FAM149A: variants seen among roughly 807,000 people sequenced by gnomAD.
FAM149A encodes the protein family with sequence similarity 149 member A, also known as protein FAM149A.
FAM149A carries 71 observed loss-of-function variants against 78.2 expected under a neutral mutation model. The observed-to-expected ratio is 0.91, with a 90% CI of 0.75 to 1.11. FAM149A has a LOEUF of 1.11. FAM149A is among the 50% of genes least tolerant of loss of function. The pLI, the probability that FAM149A is intolerant of heterozygous loss-of-function variation, is 0.00. For missense variants in FAM149A, 1,036 were observed against 971.0 expected (o/e 1.07, Z -0.89); for synonymous variants, 446 against 410.5 (o/e 1.09, Z -1.04).
chr4:186,158,102 T>C (rs1343465059), intron 8 of FAM149A: 6 of 1,326,852 alleles, frequency 4.5e-6, no homozygotes, highest in Non-Finnish European at 5.9e-6. Context: ...TTGTTGCTGT[T>C]GAACCCTGCT....
chr4:186,170,464 A>AT (rs1408095495), intron 13 of FAM149A, among the ~76,000 whole-genome samples: 1 of 152,240 alleles, frequency 6.6e-6, no homozygotes, highest in East Asian at 1.9e-4. Context: ...ACCCTGCCTC[A>AT]TTTAAAAAAC....
chr4:186,163,172 G>A (rs1734748744), intron 9 of FAM149A, among the ~76,000 whole-genome samples: 1 of 152,226 alleles, frequency 6.6e-6, no homozygotes, highest in African/African-American at 2.4e-5. Flanking sequence ...GGGGAATGTA[G>A]TCCTGAAATT....
intron 1 of FAM149A, among the ~76,000 whole-genome samples, chr4:186,138,495 C>T (rs1053741631): frequency 6.6e-6 from 1 of 152,206 alleles, no homozygotes; most frequent in Non-Finnish European, 1.5e-5. Context: ...CTGTATTAAC[C>T]GTCACCACCA....
chr4:186,118,625 G>A (rs1237773669), intron 1 of FAM149A, among the ~76,000 whole-genome samples: 1 of 152,096 alleles, frequency 6.6e-6, no homozygotes, highest in East Asian at 1.9e-4. Context: ...AAACATTTCA[G>A]GACACCAAGA....
chr4:186,124,185 A>G (rs1244343934), intron 1 of FAM149A: 9 of 985,366 alleles, frequency 9.1e-6, no homozygotes, highest in East Asian at 1.1e-4. Context: ...CAAAGGCACT[A>G]TATTCCTCCA....
At chr4:186,166,463 A>T (rs1040634932) in intron 11 of FAM149A, among the ~76,000 whole-genome samples, 2 of 152,168 alleles carry the variant, frequency 1.3e-5, no homozygotes, top group Non-Finnish European at 2.9e-5. Context: ...AGCCTGGCCA[A>T]CATAGTGAAA....
intron 1 of FAM149A, chr4:186,124,140 A>G: frequency 1.0e-6 from 1 of 985,356 alleles, no homozygotes; most frequent in Non-Finnish European, 1.2e-6. Flanking sequence ...AGATACCAAG[A>G]TACATCTACA....
intron 3 of FAM149A, among the ~76,000 whole-genome samples, chr4:186,149,991 TG>T (rs1365768827): frequency 6.6e-6 from 1 of 152,214 alleles, no homozygotes; most frequent in African/African-American, 2.4e-5. Context: ...TGTGACTTCT[TG>T]GATGGTATCC....
chr4:186,168,599 A>C (rs968247149), intron 13 of FAM149A, among the ~76,000 whole-genome samples: 9 of 151,968 alleles, frequency 5.9e-5, no homozygotes, highest in Admixed American at 1.3e-4. Flanking sequence ...CAGGTAATCC[A>C]CCCATCTTGG....
intron 1 of FAM149A, among the ~76,000 whole-genome samples, chr4:186,146,003 AAAAAAG>A (rs1024415015): frequency 2.0e-5 from 3 of 152,132 alleles, no homozygotes; most frequent in African/African-American, 7.2e-5. Flanking sequence ...AAGAGAAAAA[AAAAAAG>A]AAAAAGACAA....
intron 1 of FAM149A, chr4:186,130,293 C>CTCTATA: frequency 0.034 from 1,600 of 46,514 alleles, 24 homozygotes; most frequent in East Asian, 0.048. Flanking sequence ...CTCTCTCTCT[C>CTCTATA]TATATATATA....
chr4:186,139,651 G>T (rs563102414), intron 1 of FAM149A, among the ~76,000 whole-genome samples: 4 of 152,156 alleles, frequency 2.6e-5, no homozygotes, highest in African/African-American at 7.2e-5. Flanking sequence ...CACCTAATAC[G>T]TTTCTGTTGT....
At chr4:186,134,814 C>T (rs1024075151) in intron 1 of FAM149A, among the ~76,000 whole-genome samples, 1 of 152,012 alleles carries the variant, frequency 6.6e-6, no homozygotes, top group Non-Finnish European at 1.5e-5. Flanking sequence ...TGAGACCTCG[C>T]TTTTTCTTCT....
At chr4:186,128,498 C>T (rs1053104075) in intron 1 of FAM149A, among the ~76,000 whole-genome samples, 1 of 151,612 alleles carries the variant, frequency 6.6e-6, no homozygotes, top group African/African-American at 2.4e-5. Flanking sequence ...AAAAGAGCAA[C>T]GGAACCTTCC....
At chr4:186,122,926 T>A (rs2150093204) in intron 1 of FAM149A, 1 of 204,686 alleles carries the variant, frequency 4.9e-6, no homozygotes, top group Admixed American at 6.5e-5. Context: ...AAGCATCTGG[T>A]AATGGTGACT....
chr4:186,122,695 T>C (rs1459264418), intron 1 of FAM149A: 1 of 200,034 alleles, frequency 5.0e-6, no homozygotes, highest in Non-Finnish European at 8.9e-6. Context: ...GGAAAAACTA[T>C]TGTATATAAG....
chr4:186,145,182 C>T (rs1732932757), intron 1 of FAM149A: 2 of 979,656 alleles, frequency 2.0e-6, no homozygotes, highest in African/African-American at 1.8e-5. Flanking sequence ...TGTTCTCCGC[C>T]CGCGGGCCGG....
At chr4:186,163,015 G>T in intron 9 of FAM149A, 67 bp downstream of exon 9, 1 of 891,846 alleles carries the variant, frequency 1.1e-6, no homozygotes, top group South Asian at 1.4e-5. Context: ...GAGCACTGAA[G>T]ACTGCAGGGG....
At chr4:186,140,167 T>C (rs910579471) in intron 1 of FAM149A, among the ~76,000 whole-genome samples, 1 of 152,228 alleles carries the variant, frequency 6.6e-6, no homozygotes, top group African/African-American at 2.4e-5. Flanking sequence ...ATTGCATGGC[T>C]AGGGCAAGAC....
Sources: allele counts gnomAD v4.1 joint callset (sites outside exome capture counted in the v4.1 genomes callset), GRCh38; gene constraint gnomAD v4.1.1; transcripts MANE v1.5; gene names NCBI Gene and HGNC (gene_info 2026-07-23, HGNC 2026-07-21).